RBFOX1: variants seen among roughly 807,000 people sequenced by gnomAD.
RBFOX1 encodes RNA binding fox-1 homolog 1, also known as RNA binding protein fox-1 homolog 1.
RBFOX1 carries 8 observed loss-of-function variants against 57.7 expected under a neutral mutation model. The observed-to-expected ratio is 0.14, with a 90% CI of 0.08 to 0.25. The LOEUF (loss-of-function observed/expected upper bound fraction) is 0.25, where lower values mean the gene tolerates loss of function less well. Ranked by LOEUF, RBFOX1 falls within the 10% of genes least tolerant of loss-of-function variation. The pLI, the probability that RBFOX1 is intolerant of heterozygous loss-of-function variation, is 1.00. For synonymous variants in RBFOX1, 326 were observed against 222.4 expected (o/e 1.47, Z -4.15); for missense variants, 611 against 548.5 (o/e 1.11, Z -1.14).
intron 4 of RBFOX1, among the ~76,000 whole-genome samples, chr16:7,352,952 G>C (rs1327454678): frequency 1.3e-5 from 2 of 152,110 alleles, no homozygotes; most frequent in African/African-American, 4.8e-5. Flanking sequence ...CTAGGCTTCA[G>C]TGATCTGCTT....
intron 1 of RBFOX1, among the ~76,000 whole-genome samples, chr16:6,184,868 A>G (rs931114551): frequency 2.4e-4 from 37 of 152,054 alleles, no homozygotes; most frequent in African/African-American, 8.9e-4. Flanking sequence ...CTTCTGGTCT[A>G]CTACAGGAAT....
chr16:6,870,240 G>A (rs1456238836), intron 3 of RBFOX1, among the ~76,000 whole-genome samples: 3 of 152,090 alleles, frequency 2.0e-5, no homozygotes, highest in African/African-American at 7.2e-5. Context: ...AGCAGCCTGG[G>A]GTGGGGCAAT....
intron 4 of RBFOX1, among the ~76,000 whole-genome samples, chr16:5,929,602 G>A (rs1342189210): frequency 1.3e-5 from 2 of 152,116 alleles, no homozygotes; most frequent in African/African-American, 4.8e-5. Flanking sequence ...ATTAATGCTG[G>A]TAACAATATG....
chr16:5,691,731 T>C (rs910580923), intron 3 of RBFOX1, among the ~76,000 whole-genome samples: 1 of 152,234 alleles, frequency 6.6e-6, no homozygotes, highest in Admixed American at 6.5e-5. Flanking sequence ...AACTTGTATA[T>C]CTCAAGTAGC....
intron 2 of RBFOX1, among the ~76,000 whole-genome samples, chr16:6,340,936 A>C (rs1292802290): frequency 6.6e-6 from 1 of 152,166 alleles, no homozygotes; most frequent in Non-Finnish European, 1.5e-5. Flanking sequence ...GGGGATCACA[A>C]GCATTAGGAA....
At chr16:6,703,967 G>T (rs1401994837) in intron 3 of RBFOX1, 1 of 152,412 alleles carries the variant, frequency 6.6e-6, no homozygotes, top group Non-Finnish European at 1.5e-5. Flanking sequence ...CTAGGTCCCA[G>T]TCCCCCTGCT....
chr16:7,695,442 C>T (rs1448649874), intron 14 of RBFOX1, among the ~76,000 whole-genome samples: 1 of 151,976 alleles, frequency 6.6e-6, no homozygotes, highest in East Asian at 1.9e-4. Flanking sequence ...TCATGAGGGT[C>T]AGGAGTCTAA....
At chr16:7,208,636 G>C (rs2090476415) in intron 4 of RBFOX1, among the ~76,000 whole-genome samples, 1 of 152,116 alleles carries the variant, frequency 6.6e-6, no homozygotes, top group South Asian at 2.1e-4. Flanking sequence ...AAGAGTTTCA[G>C]AGCAACCTGG....
intron 3 of RBFOX1, among the ~76,000 whole-genome samples, chr16:6,878,720 A>G (rs2062322677): frequency 6.6e-6 from 1 of 152,198 alleles, no homozygotes; most frequent in South Asian, 2.1e-4. Context: ...AGCAAGGGCA[A>G]GAAATGGAAA....
At chr16:5,345,469 G>T (rs186247742) in intron 1 of RBFOX1, among the ~76,000 whole-genome samples, 1 of 152,320 alleles carries the variant, frequency 6.6e-6, no homozygotes, top group African/African-American at 2.4e-5. Flanking sequence ...ACTTCCATCA[G>T]TGGTCAAAAT....
intron 4 of RBFOX1, among the ~76,000 whole-genome samples, chr16:7,386,062 T>A (rs1465228063): frequency 6.6e-6 from 1 of 152,026 alleles, no homozygotes; most frequent in East Asian, 1.9e-4. Flanking sequence ...GTGCTGGGAT[T>A]GCAGGTGTGA....
chr16:7,256,563 T>C (rs952473154), intron 4 of RBFOX1, among the ~76,000 whole-genome samples: 1 of 152,204 alleles, frequency 6.6e-6, no homozygotes, highest in African/African-American at 2.4e-5. Flanking sequence ...TATGTCTGTT[T>C]ATACCATGTA....
chr16:6,003,598 G>C (rs1325753863), intron 4 of RBFOX1, among the ~76,000 whole-genome samples: 2 of 151,852 alleles, frequency 1.3e-5, no homozygotes, highest in Non-Finnish European at 2.9e-5. Flanking sequence ...TACAGCGACA[G>C]CTTCCTGATC....
At chr16:7,446,999 A>G (rs2098813789) in intron 4 of RBFOX1, among the ~76,000 whole-genome samples, 1 of 151,424 alleles carries the variant, frequency 6.6e-6, no homozygotes, top group African/African-American at 2.4e-5. Context: ...TTTTTAGTAG[A>G]GAATGGGTTT....
chr16:5,403,365 A>C (rs1433819921), intron 1 of RBFOX1, among the ~76,000 whole-genome samples: 1 of 150,458 alleles, frequency 6.6e-6, no homozygotes, highest in Non-Finnish European at 1.5e-5. Context: ...AAAAAAAAAA[A>C]AACAAAAAAC....
chr16:6,478,408 TA>T (rs1567368221), intron 2 of RBFOX1, among the ~76,000 whole-genome samples: 450 of 22,290 alleles, frequency 0.02, 14 homozygotes, highest in African/African-American at 0.088. Context: ...TATATATATA[TA>T]TATATATATA....
In RBFOX1 at chr16:7,331,255, C is replaced by A. The variant is rs751704879; in HGVS notation, c.28-186892C>A. Among the ~76,000 whole-genome samples, 3 of 152,078 alleles carry A rather than the reference C, an allele frequency of 2.0e-5. 1 individual carries two copies. The highest frequency in any genetic ancestry group is 1.5e-5 in the Non-Finnish European group (1 of 68,006). On this transcript the variant is annotated intron_variant, in intron 4 of 15. Coordinates refer to ENST00000550418, the MANE Select transcript of RBFOX1 (RefSeq NM_018723.4). The stretch of plus-strand genomic sequence containing the variant: ...AACGCCAATAGTTGGATATGTTTGG[C>A]GGTGTTTGAAGCTCTCTCCCAGTTT...
intron 2 of RBFOX1, among the ~76,000 whole-genome samples, chr16:6,375,356 A>C (rs918460204): frequency 6.6e-6 from 1 of 152,144 alleles, no homozygotes; most frequent in African/African-American, 2.4e-5. Flanking sequence ...AAGAAAGCCA[A>C]AATAATTCTA....
At chr16:7,253,964 A>G (rs2094581170) in intron 4 of RBFOX1, among the ~76,000 whole-genome samples, 1 of 152,208 alleles carries the variant, frequency 6.6e-6, no homozygotes, top group Non-Finnish European at 1.5e-5. Flanking sequence ...ACAGTGTGAG[A>G]CAGCAAAGGA....
Sources: allele counts gnomAD v4.1 joint callset (sites outside exome capture counted in the v4.1 genomes callset), GRCh38; gene constraint gnomAD v4.1.1; transcripts MANE v1.5; gene names NCBI Gene and HGNC (gene_info 2026-07-23, HGNC 2026-07-21).